MYT1L: variants seen among roughly 807,000 people sequenced by gnomAD.
MYT1L encodes the protein myelin transcription factor 1 like, also known as myelin transcription factor 1-like protein.
Under a neutral mutation model 126.7 loss-of-function variants are expected in MYT1L, and 12 were observed. That is an observed-to-expected ratio of 0.09 (90% CI 0.06 to 0.15). The LOEUF (loss-of-function observed/expected upper bound fraction) is 0.15. Among genes scored for constraint, MYT1L ranks in the 10% least tolerant of loss-of-function variants. The pLI is 1.00. For missense variants in MYT1L, 979 were observed against 1,585.2 expected (o/e 0.62, Z 6.49); for synonymous variants, 541 against 604.2 (o/e 0.90, Z 1.53).
chr2:1,913,123 T>C (rs1375842374), intron 11 of MYT1L, among the ~76,000 whole-genome samples: 1 of 152,184 alleles, frequency 6.6e-6, no homozygotes, highest in Non-Finnish European at 1.5e-5. Context: ...TTTTTGACAC[T>C]TTTCCTCCTT....
At chr2:2,219,785 A>T (rs2093801270) in intron 2 of MYT1L, among the ~76,000 whole-genome samples, 1 of 152,226 alleles carries the variant, frequency 6.6e-6, no homozygotes, top group Non-Finnish European at 1.5e-5. Context: ...TGGATGCATC[A>T]GGTTATAAAT....
At chr2:1,832,848 T>C (rs2040369658) in intron 21 of MYT1L, among the ~76,000 whole-genome samples, 1 of 152,228 alleles carries the variant, frequency 6.6e-6, no homozygotes, top group Non-Finnish European at 1.5e-5. Flanking sequence ...ATCGCTGGCC[T>C]GGCACCATGT....
chr2:2,024,871 C>T (rs560502090), intron 4 of MYT1L, among the ~76,000 whole-genome samples: 25 of 152,364 alleles, frequency 1.6e-4, no homozygotes, highest in African/African-American at 6.0e-4. Flanking sequence ...CAACCAACTG[C>T]AGGGCTTCTG....
chr2:1,880,018 T>C (rs2047340117), intron 18 of MYT1L, among the ~76,000 whole-genome samples: 3 of 152,318 alleles, frequency 2.0e-5, no homozygotes, highest in Admixed American at 2.0e-4. Context: ...TTTGTCACAA[T>C]AAAAACCAAA....
intron 18 of MYT1L, among the ~76,000 whole-genome samples, chr2:1,873,926 G>C (rs1461969567): frequency 6.6e-6 from 1 of 152,154 alleles, no homozygotes; most frequent in Non-Finnish European, 1.5e-5. Context: ...CACCCAGATG[G>C]AGAGGGGTGG....
rs146719560 is a variant in MYT1L at position 2,148,160 on chromosome 2, A to G, written c.-304+24712T>C. On this transcript the variant is annotated intron_variant, in intron 3 of 24. Transcript: ENST00000647738. ...CTGGATATCAAGGAGACTGGCAGAG[A>G]TATCTAGCAATGATCTCTTTACTAA... 4.2e-3 allele frequency among the ~76,000 whole-genome samples: 647 copies of G among 152,272 alleles called. 4 individuals are homozygous for G. Among genetic ancestry groups the G allele is most frequent in the Non-Finnish European group, 6.3e-3 (431 of 68,024 alleles).
intron 4 of MYT1L, among the ~76,000 whole-genome samples, chr2:2,004,053 ACTTTCCTGCAGGCGTT>A (rs2062758926): frequency 1.5e-5 from 2 of 129,412 alleles, no homozygotes; most frequent in African/African-American, 3.0e-5. Flanking sequence ...TTTCCTGCAT[ACTTTCCTGCAGGCGTT>A]CTTTCCTGCA....
chr2:1,851,795 C>G, intron 18 of MYT1L, 92 bp from the exon 19 acceptor site: 1 of 1,217,204 alleles, frequency 8.2e-7, no homozygotes, highest in East Asian at 2.3e-5. Context: ...CAAACTAACT[C>G]TATTGCTTCA....
At chr2:1,884,135 G>A (rs543511218) in intron 18 of MYT1L, 8 of 152,302 alleles carry the variant, frequency 5.3e-5, no homozygotes, top group African/African-American at 1.9e-4. Flanking sequence ...GAAGTGACAA[G>A]AAGAAAATTT....
At chr2:2,071,031 T>C (rs1574974306) in intron 3 of MYT1L, among the ~76,000 whole-genome samples, 1 of 152,074 alleles carries the variant, frequency 6.6e-6, no homozygotes, top group East Asian at 1.9e-4. Flanking sequence ...GGAAAGAGGA[T>C]ATGGGGTGAA....
Position 1,855,138 on chromosome 2 carries a change from T to G in MYT1L, c.2712-3435A>C, listed in dbSNP as rs145998011. Among the ~76,000 whole-genome samples the G allele has an allele frequency of 2.8e-3, 422 of 152,304 alleles. 3 individuals carry two copies. Among genetic ancestry groups the G allele is most frequent in the African/African-American group, 9.3e-3 (388 of 41,546 alleles). On this transcript the variant is annotated intron_variant, in intron 18 of 24. Transcript: ENST00000647738. ...AAAACTCATAGATTTACATACAAAT[T>G]TCCTAGCTTTAAGAAATCTCAACAT...
chr2:1,966,267 C>A (rs946585620), intron 8 of MYT1L, among the ~76,000 whole-genome samples: 1 of 152,230 alleles, frequency 6.6e-6, no homozygotes, highest in African/African-American at 2.4e-5. Flanking sequence ...GCTTGACTTA[C>A]TCACCACTCT....
At position 1,801,589 on chromosome 2, in the gene MYT1L, G is replaced by A; in HGVS notation, c.3276+107C>T. On this transcript the variant is annotated intron_variant, in intron 23 of 24. Coordinates refer to ENST00000647738, the MANE Select transcript of MYT1L (RefSeq NM_001303052.2). The surrounding 1 kb of genome is among the most constrained non-coding windows in gnomAD (Gnocchi z 4.2). ...GTGGAAAAATAAAGGAAATAAAAGAGCAAATAAGAGGAAACGACAGCTCTC... is the reference window on the plus strand; with the variant it reads ...GTGGAAAAATAAAGGAAATAAAAGAACAAATAAGAGGAAACGACAGCTCTC... 1.4e-6 allele frequency: 1 copy of A among 706,890 alleles called. No individual in the cohort carries two copies. Among genetic ancestry groups the A allele is most frequent in the Non-Finnish European group, 2.5e-6 (1 of 405,516 alleles). The allele number at this position is 706,890 out of a possible 1,614,324, so 43.8% of individuals were successfully genotyped here. A position where few individuals can be genotyped will look rare whatever the true frequency, so the allele number is the denominator to read the frequency against.
intron 3 of MYT1L, among the ~76,000 whole-genome samples, chr2:2,082,312 T>C (rs1024521600): frequency 2.0e-5 from 3 of 152,252 alleles, no homozygotes; most frequent in African/African-American, 7.2e-5. Flanking sequence ...GGGATTGAAC[T>C]AACATTGTTT....
Position 1,965,719 on chromosome 2 carries a change from A to G in MYT1L, c.152+13446T>C, listed in dbSNP as rs186577699. The stretch of plus-strand genomic sequence containing the variant: ...GGCCCCGCCATCATCCTGACCTTAA[A>G]CCCAAGGCCTCACGAATGCATGTGG... On this transcript the variant is annotated intron_variant, in intron 8 of 24. Transcript: ENST00000647738. Among the ~76,000 whole-genome samples the G allele has an allele frequency of 3.6e-4, 55 of 152,294 alleles. 1 individual carries two copies. The East Asian group carries it at 9.3e-3, about 26-fold the overall frequency.
At chr2:2,304,846 A>G (rs781642619) in intron 1 of MYT1L, among the ~76,000 whole-genome samples, 24 of 152,312 alleles carry the variant, frequency 1.6e-4, no homozygotes, top group Non-Finnish European at 3.2e-4. Context: ...AAGAGCAGGC[A>G]TGGCATTAGG....
chr2:1,818,645 G>A (rs953665810), intron 21 of MYT1L, among the ~76,000 whole-genome samples: 18 of 152,108 alleles, frequency 1.2e-4, no homozygotes, highest in Non-Finnish European at 2.2e-4. Flanking sequence ...CGCCACGAGA[G>A]CAGCTCTCCT....
chr2:1,984,624 C>T (rs902065481), intron 5 of MYT1L, among the ~76,000 whole-genome samples: 1 of 151,216 alleles, frequency 6.6e-6, no homozygotes, highest in African/African-American at 2.4e-5. Context: ...ATTCTCCTGC[C>T]TCAGCCTCCC....
At chr2:1,875,814 C>T (rs1272472312) in intron 18 of MYT1L, among the ~76,000 whole-genome samples, 1 of 152,176 alleles carries the variant, frequency 6.6e-6, no homozygotes, top group Admixed American at 6.5e-5. Context: ...GTTCAAGGGT[C>T]CAGTGAGGAA....
Sources: gnomAD v4.1 joint callset for allele counts (sites outside exome capture counted in the v4.1 genomes callset) on GRCh38, gnomAD v4.1.1 for gene constraint, Gnocchi (gnomAD v3.1) non-coding constraint, MANE v1.5 for transcripts, NCBI Gene and HGNC (gene_info 2026-07-23, HGNC 2026-07-21) for gene names.